Variants in CNOT2 observed in about 807,000 individuals in gnomAD.
The protein encoded by CNOT2 is CC chemokine receptor 4-negative regulator of transcription 2.
Under a neutral mutation model 72.1 loss-of-function variants are expected in CNOT2, and 7 were observed. The ratio of observed to expected loss-of-function variants is 0.10; its 90% CI spans 0.06 to 0.18. The LOEUF (loss-of-function observed/expected upper bound fraction) is 0.18, where lower values mean the gene tolerates loss of function less well. Ranked by LOEUF, CNOT2 falls within the 10% of genes least tolerant of loss-of-function variation. CNOT2 has a pLI of 1.00. For missense variants in CNOT2, 345 were observed against 660.3 expected (o/e 0.52, Z 5.23); for synonymous variants, 196 against 225.6 (o/e 0.87, Z 1.17).
At chr12:70,273,471 ATAT>A (rs1036791447) in intron 1 of CNOT2, among the ~76,000 whole-genome samples, 72 of 152,260 alleles carry the variant, frequency 4.7e-4, no homozygotes, top group African/African-American at 1.6e-3. Flanking sequence ...CCATGCAGAT[ATAT>A]TATTTTCATT....
At chr12:70,299,469 C>A (rs1392360485) in intron 2 of CNOT2, among the ~76,000 whole-genome samples, 2 of 146,314 alleles carry the variant, frequency 1.4e-5, no homozygotes, top group African/African-American at 2.5e-5. Context: ...TGAGAACATG[C>A]GGTGTTTGGT....
intron 2 of CNOT2, among the ~76,000 whole-genome samples, chr12:70,297,217 T>C (rs1458989752): frequency 3.9e-5 from 6 of 152,198 alleles, no homozygotes; most frequent in Admixed American, 1.3e-4. Context: ...AAATAAGAAC[T>C]CAAATTCTAA....
intron 2 of CNOT2, among the ~76,000 whole-genome samples, chr12:70,293,803 G>GT (rs1271460394): frequency 2.0e-5 from 3 of 151,882 alleles, no homozygotes; most frequent in African/African-American, 4.8e-5. Flanking sequence ...TGTACAAGGA[G>GT]TGGATAGGCA....
intron 3 of CNOT2, among the ~76,000 whole-genome samples, chr12:70,311,507 A>T (rs1876454870): frequency 6.6e-6 from 1 of 151,996 alleles, no homozygotes; most frequent in Non-Finnish European, 1.5e-5. Flanking sequence ...ATAATAGGAA[A>T]AATTTGGAAG....
At chr12:70,318,595 A>C (rs1194649707) in intron 3 of CNOT2, among the ~76,000 whole-genome samples, 1 of 151,818 alleles carries the variant, frequency 6.6e-6, no homozygotes, top group Non-Finnish European at 1.5e-5. Flanking sequence ...GTGTAGCTCC[A>C]GTGATGTTTC....
chr12:70,324,359 G>GAA (rs1200090978), intron 4 of CNOT2: 1 of 151,640 alleles, frequency 6.6e-6, no homozygotes, highest in Non-Finnish European at 1.5e-5. Context: ...GAGAGAGAGA[G>GAA]AATGTTAGTA....
At chr12:70,323,819 G>A (rs909486396) in intron 4 of CNOT2, 5 of 151,704 alleles carry the variant, frequency 3.3e-5, no homozygotes, top group African/African-American at 1.2e-4. Flanking sequence ...CTTTTTGTGT[G>A]TGTGAAAACC....
intron 2 of CNOT2, among the ~76,000 whole-genome samples, chr12:70,298,568 G>A (rs1031381563): frequency 4.0e-4 from 61 of 152,054 alleles, no homozygotes; most frequent in Non-Finnish European, 7.4e-5. Context: ...AAATTTTAAA[G>A]CATTTAGAAT....
intron 8 of CNOT2, 24 bp downstream of exon 8, chr12:70,335,587 C>T (rs763856567): frequency 3.1e-6 from 5 of 1,588,156 alleles, no homozygotes; most frequent in Admixed American, 1.7e-5. Flanking sequence ...TTAATGATGG[C>T]CAGTAGAAAG....
chr12:70,333,172 CT>C (rs1880200935), intron 7 of CNOT2, among the ~76,000 whole-genome samples: 1 of 151,920 alleles, frequency 6.6e-6, no homozygotes, highest in African/African-American at 2.4e-5. Context: ...GTCCTCAGCC[CT>C]GTCACTGTGA....
intron 2 of CNOT2, among the ~76,000 whole-genome samples, chr12:70,295,576 G>A (rs1165556427): frequency 6.6e-6 from 1 of 151,908 alleles, no homozygotes; most frequent in Non-Finnish European, 1.5e-5. Context: ...TCTAAATGTA[G>A]AGATTTTCTA....
intron 4 of CNOT2, among the ~76,000 whole-genome samples, chr12:70,319,738 G>GTA (rs1435908506): frequency 6.7e-6 from 1 of 149,720 alleles, no homozygotes; most frequent in Non-Finnish European, 1.5e-5. Context: ...GTGTGTGTGT[G>GTA]TATGTGCACG....
chr12:70,332,208 A>G (rs763301995), intron 6 of CNOT2, among the ~76,000 whole-genome samples: 17 of 151,792 alleles, frequency 1.1e-4, no homozygotes, highest in East Asian at 5.8e-4. Flanking sequence ...TTGAATGTCT[A>G]TTATGTCTTC....
At chr12:70,270,780 T>A (rs955068337) in intron 1 of CNOT2, among the ~76,000 whole-genome samples, 1 of 152,230 alleles carries the variant, frequency 6.6e-6, no homozygotes, top group African/African-American at 2.4e-5. Context: ...AGGTTAGTTA[T>A]ATGCCTAACA....
intron 2 of CNOT2, among the ~76,000 whole-genome samples, chr12:70,310,288 C>T (rs1402553668): frequency 6.6e-6 from 1 of 151,916 alleles, no homozygotes; most frequent in East Asian, 1.9e-4. Flanking sequence ...GTTACAAAGA[C>T]TGGAAAAACA....
chr12:70,252,334 A>G (rs1275569883), intron 1 of CNOT2, among the ~76,000 whole-genome samples: 2 of 152,018 alleles, frequency 1.3e-5, no homozygotes, highest in African/African-American at 2.4e-5. Context: ...CTACAGGCGC[A>G]TGCCACCATG....
At chr12:70,332,166 C>T (rs1281881989) in intron 6 of CNOT2, among the ~76,000 whole-genome samples, 3 of 151,552 alleles carry the variant, frequency 2.0e-5, no homozygotes, top group Non-Finnish European at 3.0e-5. Context: ...AATTTTAAAA[C>T]GCACCATTCA....
chr12:70,270,866 A>G (rs1565750274), intron 1 of CNOT2, among the ~76,000 whole-genome samples: 1 of 152,348 alleles, frequency 6.6e-6, no homozygotes, highest in East Asian at 1.9e-4. Flanking sequence ...ATGAGCACAG[A>G]AAGATAGAAC....
At chr12:70,258,660 A>G (rs1460483578) in intron 1 of CNOT2, among the ~76,000 whole-genome samples, 1 of 152,236 alleles carries the variant, frequency 6.6e-6, no homozygotes, top group East Asian at 1.9e-4. Context: ...AATCTGACAG[A>G]TGGTGGTAAG....
Sources: gnomAD v4.1 joint callset for allele counts (sites outside exome capture counted in the v4.1 genomes callset) on GRCh38, gnomAD v4.1.1 for gene constraint, MANE v1.5 for transcripts, NCBI Gene and HGNC (gene_info 2026-07-23, HGNC 2026-07-21) for gene names.